Variants in MGLL observed in about 807,000 individuals in gnomAD.
The protein encoded by MGLL is monoglyceride lipase.
In MGLL, 7 loss-of-function variants were observed where a neutral mutation model predicts 29.1. That is an observed-to-expected ratio of 0.24 (90% CI 0.14 to 0.45). The LOEUF is 0.45. Among genes scored for constraint, MGLL ranks in the 20% least tolerant of loss-of-function variants. The pLI is 0.99. For missense variants in MGLL, 356 were observed against 413.6 expected, an observed-to-expected ratio of 0.86 and a Z score of 1.21; for synonymous variants, 148 against 168.3, an observed-to-expected ratio of 0.88 and a Z score of 0.93.
chr3:127,731,333 TTTATTATTATTATTATTATTA>T (rs140919604), intron 3 of MGLL, among the ~76,000 whole-genome samples: 13 of 145,402 alleles, frequency 8.9e-5, no homozygotes, highest in African/African-American at 2.5e-4. Context: ...CTTGGTGGCT[TTTATTATTATTATTATTATTA>T]TTATTATTAT....
intron 2 of MGLL, among the ~76,000 whole-genome samples, chr3:127,794,223 T>C (rs1042933530): frequency 3.9e-5 from 6 of 151,968 alleles, no homozygotes; most frequent in Non-Finnish European, 7.4e-5. Flanking sequence ...GGCGAGAGAA[T>C]TGCTTAAGGT....
At chr3:127,694,188 T>C (rs902279826) in intron 7 of MGLL, among the ~76,000 whole-genome samples, 1 of 148,632 alleles carries the variant, frequency 6.7e-6, no homozygotes, top group African/African-American at 2.5e-5. Flanking sequence ...CAGAATCACT[T>C]GAACCTGGGA....
At position 127,789,032 on chromosome 3, in the gene MGLL, A is replaced by G. The variant is rs528966486; in HGVS notation, c.156-7137T>C. Among the ~76,000 whole-genome samples the G allele has an allele frequency of 7.9e-5, 12 of 152,114 alleles. No homozygotes were observed. The South Asian group carries it at 2.5e-3, about 32-fold the overall frequency. On this transcript the variant is annotated intron_variant, in intron 2 of 7. Coordinates refer to ENST00000265052, the MANE Select transcript of MGLL (RefSeq NM_007283.7). ...ATCCCTTTGCTTTGCCTGGCTAGAGAGGCTTCTTGTGCTTGCAGCTGAACC... is the reference window on the plus strand; with the variant it reads ...ATCCCTTTGCTTTGCCTGGCTAGAGGGGCTTCTTGTGCTTGCAGCTGAACC...
intron 6 of MGLL, 70 bp from the exon 7 acceptor site, chr3:127,695,260 G>A: frequency 6.7e-7 from 1 of 1,490,228 alleles, no homozygotes; most frequent in Non-Finnish European, 9.3e-7. Flanking sequence ...CCTATTTCCT[G>A]GTAGCTTTTC....
chr3:127,794,377 T>C (rs927850549), intron 2 of MGLL, among the ~76,000 whole-genome samples: 2 of 152,188 alleles, frequency 1.3e-5, no homozygotes, highest in Non-Finnish European at 2.9e-5. Context: ...CTGTCTTCTA[T>C]GAAGTAAGAC....
Position 127,766,891 on chromosome 3 carries a change from C to T in MGLL, c.262+14898G>A, listed in dbSNP as rs552302196. ...TTCAAGACCAGCCTGGCCAACATGGCGAAACCACATCTCTACAAAAAATAC... is the reference window on the plus strand; with the variant it reads ...TTCAAGACCAGCCTGGCCAACATGGTGAAACCACATCTCTACAAAAAATAC... On this transcript the variant is annotated intron_variant, in intron 3 of 7. Coordinates refer to ENST00000265052, the MANE Select transcript of MGLL (RefSeq NM_007283.7). Among the ~76,000 whole-genome samples, 100 of 152,036 alleles carry T rather than the reference C, an allele frequency of 6.6e-4. 2 individuals are homozygous for T. The Middle Eastern group carries it at 0.017, about 26-fold the overall frequency.
intron 3 of MGLL, among the ~76,000 whole-genome samples, chr3:127,754,812 G>T (rs2076630007): frequency 6.6e-6 from 1 of 152,212 alleles, no homozygotes; most frequent in Non-Finnish European, 1.5e-5. Flanking sequence ...CAGAGAGCGA[G>T]AACGTCATCA....
intron 3 of MGLL, among the ~76,000 whole-genome samples, chr3:127,731,848 T>C (rs182526675): frequency 1.3e-4 from 20 of 152,242 alleles, no homozygotes; most frequent in African/African-American, 4.6e-4. Context: ...ATGACAGTAA[T>C]GTTCATGTCT....
chr3:127,710,953 G>A, intron 5 of MGLL: 3 of 448,074 alleles, frequency 6.7e-6, no homozygotes, highest in Non-Finnish European at 1.3e-5. Flanking sequence ...CCCTCCCCAT[G>A]ATCGCTCATG....
intron 2 of MGLL, among the ~76,000 whole-genome samples, chr3:127,819,783 G>A (rs537226802): frequency 1.1e-4 from 16 of 152,182 alleles, no homozygotes; most frequent in East Asian, 5.8e-4. Flanking sequence ...AGCTGGTCTC[G>A]GTTATGAAGA....
At chr3:127,817,403 G>A (rs775332440) in intron 2 of MGLL, among the ~76,000 whole-genome samples, 12 of 152,190 alleles carry the variant, frequency 7.9e-5, no homozygotes, top group Non-Finnish European at 1.6e-4. Flanking sequence ...AAAAGAAAGT[G>A]GGCCAGCTCT....
At chr3:127,751,462 C>G (rs1401035949) in intron 3 of MGLL, among the ~76,000 whole-genome samples, 1 of 151,712 alleles carries the variant, frequency 6.6e-6, no homozygotes, top group Non-Finnish European at 1.5e-5. Context: ...ACTGGGTGAT[C>G]AGAGACACAT....
intron 3 of MGLL, among the ~76,000 whole-genome samples, chr3:127,775,407 G>A (rs982237365): frequency 3.3e-5 from 5 of 151,908 alleles, no homozygotes; most frequent in South Asian, 2.1e-4. Context: ...TCCAGCAAGC[G>A]ACCTTGACTC....
intron 3 of MGLL, among the ~76,000 whole-genome samples, chr3:127,760,728 C>A (rs115102370): frequency 1.3e-5 from 2 of 152,208 alleles, no homozygotes; most frequent in Non-Finnish European, 2.9e-5. Flanking sequence ...ATGGAACCTG[C>A]GGCTCTGCAC....
rs1324669393 is a variant in MGLL, at chr3:127,721,519, T to TTTTG, written c.400-357_400-356insCAAA. Reference sequence around the variant, plus strand: ...GCTTAATAGGAGGGTTTTTTTTTTTTTTTTTTTTTTTGGTGGGGGGTAATC... The same window carrying TTTTG: ...GCTTAATAGGAGGGTTTTTTTTTTTTTTTGTTTTTTTTTTTGGTGGGGGGTAATC... On this transcript the variant is annotated intron_variant, in intron 4 of 7. Coordinates refer to ENST00000265052, the MANE Select transcript of MGLL (RefSeq NM_007283.7). Among the ~76,000 whole-genome samples, 246 of 150,180 alleles carry TTTTG rather than the reference T, an allele frequency of 1.6e-3. 1 individual carries two copies. The highest frequency in any genetic ancestry group is 1.2e-3 in the Admixed American group (18 of 15,096).
chr3:127,793,799 T>G (rs974834720), intron 2 of MGLL, among the ~76,000 whole-genome samples: 1 of 152,148 alleles, frequency 6.6e-6, no homozygotes, highest in Non-Finnish European at 1.5e-5. Context: ...TGACCTCAGG[T>G]GACCCACCTG....
intron 3 of MGLL, among the ~76,000 whole-genome samples, chr3:127,743,519 T>G (rs548967441): frequency 6.7e-6 from 1 of 148,982 alleles, no homozygotes; most frequent in African/African-American, 2.5e-5. Flanking sequence ...TGTCCCTTTT[T>G]GCTGCCACTA....
chr3:127,786,044 G>A (rs917012153), intron 2 of MGLL, among the ~76,000 whole-genome samples: 36 of 152,202 alleles, frequency 2.4e-4, no homozygotes, highest in African/African-American at 7.2e-4. Context: ...GGAAGGCCCC[G>A]AGTCCAGAGC....
At chr3:127,798,249 T>C (rs1045583230) in intron 2 of MGLL, among the ~76,000 whole-genome samples, 1 of 152,192 alleles carries the variant, frequency 6.6e-6, no homozygotes, top group Non-Finnish European at 1.5e-5. Context: ...TATCTATGTA[T>C]GCAGGAAAGC....
Sources: allele counts gnomAD v4.1 joint callset (sites outside exome capture counted in the v4.1 genomes callset), GRCh38; gene constraint gnomAD v4.1.1; transcripts MANE v1.5; gene names NCBI Gene and HGNC (gene_info 2026-07-23, HGNC 2026-07-21).